Variants in BRSK1 observed in about 807,000 individuals in gnomAD.
BRSK1 encodes serine/threonine-protein kinase BRSK1.
In BRSK1, 17 loss-of-function variants were observed where a neutral mutation model predicts 86.2. The ratio of observed to expected loss-of-function variants is 0.20; its 90% CI spans 0.14 to 0.30. BRSK1 has a LOEUF of 0.30. BRSK1 is among the 10% of genes least tolerant of loss of function. The pLI is 1.00. For missense variants in BRSK1, 719 were observed against 1,071.9 expected (o/e 0.67, Z 4.60); for synonymous variants, 464 against 440.1 (o/e 1.05, Z -0.68).
chr19:55,299,813 G>A (rs759709932), intron 7 of BRSK1, among the ~76,000 whole-genome samples: 7 of 152,030 alleles, frequency 4.6e-5, no homozygotes, highest in Admixed American at 3.9e-4. Flanking sequence ...CCAGGCTTCC[G>A]CACCCTAAGA....
In BRSK1 at chr19:55,292,804, A is replaced by G. The variant is rs571362919; in HGVS notation, c.459-1213A>G. ...AGCCGTAATCGTGCCACTGCACTGCAGCCTGGTCGACAGAGTGAGACTCTG... is the reference window on the plus strand; with the variant it reads ...AGCCGTAATCGTGCCACTGCACTGCGGCCTGGTCGACAGAGTGAGACTCTG... On this transcript the variant is annotated intron_variant, in intron 4 of 18. Transcript: ENST00000309383. Among the ~76,000 whole-genome samples, 38 of 151,678 alleles carry G rather than the reference A, an allele frequency of 2.5e-4. 1 individual carries two copies. In the South Asian group the frequency reaches 7.7e-3, roughly 31 times the overall value.
At chr19:55,284,721 C>T in intron 1 of BRSK1, 143 bp downstream of exon 1, 1 of 670,870 alleles carries the variant, frequency 1.5e-6, no homozygotes. Context: ...GATTCAGACT[C>T]CTGGGTCCCT....
At chr19:55,285,330 G>C (rs994790256) in intron 1 of BRSK1, among the ~76,000 whole-genome samples, 1 of 152,076 alleles carries the variant, frequency 6.6e-6, no homozygotes, top group African/African-American at 2.4e-5. Flanking sequence ...GGAGTTTGGG[G>C]CCCCAGTGCT....
At position 55,284,069 on chromosome 19, in the gene BRSK1, G is replaced by A; in HGVS notation, c.-374G>A. Reference sequence around the variant, plus strand: ...GAGGCGGAGAGGAGGAGGAGGCGGAGGAGAGAGGGCGCGTGGGGGGGCGGG... The same window carrying A: ...GAGGCGGAGAGGAGGAGGAGGCGGAAGAGAGAGGGCGCGTGGGGGGGCGGG... On this transcript the variant is annotated 5_prime_UTR_variant, in exon 1 of 19. Transcript: ENST00000309383. 4.8e-6 allele frequency: 5 copies of A among 1,032,624 alleles called. No individual in the cohort carries two copies. Among genetic ancestry groups the A allele is most frequent in the Non-Finnish European group, 6.2e-6 (5 of 806,062 alleles). The allele number at this position is 1,032,624 out of a possible 1,614,324, so 64.0% of individuals were successfully genotyped here.
In BRSK1 at chr19:55,310,789, C is replaced by T. The variant is rs1029856837; in HGVS notation, c.2180-1122C>T. Among the ~76,000 whole-genome samples, 1 of 152,104 alleles carries T rather than the reference C, an allele frequency of 6.6e-6. No homozygotes were observed. The highest frequency in any genetic ancestry group is 2.4e-5 in the African/African-American group (1 of 41,398). ...GAAAGCAAATTAGGTCCACTGGACC[C>T]CGTTGCCGAGGAAAGCTGGCCTCAG... On this transcript the variant is annotated intron_variant, in intron 18 of 18. Coordinates refer to ENST00000309383, the MANE Select transcript of BRSK1 (RefSeq NM_032430.2). The surrounding 1 kb of genome is among the most constrained non-coding windows in gnomAD (Gnocchi z 5.0).
chr19:55,309,294 A>G (rs1600197509), intron 18 of BRSK1, among the ~76,000 whole-genome samples: 1 of 152,112 alleles, frequency 6.6e-6, no homozygotes, highest in East Asian at 1.9e-4. Context: ...AATGTGCAAG[A>G]TCTTGCTCTG....
At chr19:55,308,276 C>T (rs906146273) in intron 17 of BRSK1, among the ~76,000 whole-genome samples, 3 of 108,444 alleles carry the variant, frequency 2.8e-5, no homozygotes, top group African/African-American at 1.8e-4. Flanking sequence ...CTGCCCACAT[C>T]GGCATTCCAG....
In BRSK1 at chr19:55,287,400, G is replaced by T. The variant is rs2088335040; in HGVS notation, c.317+101G>T. On this transcript the variant is annotated intron_variant, in intron 3 of 18. Transcript: ENST00000309383. This position sits in a 1 kb window ranked among gnomAD's most constrained non-coding sequence, Gnocchi z 5.3. Reference sequence around the variant, plus strand: ...GGGCCTAGGGGGACCTGGGGGACCTGCAGCTCTCCAGGCTGGACCGCTGAA... The same window carrying T: ...GGGCCTAGGGGGACCTGGGGGACCTTCAGCTCTCCAGGCTGGACCGCTGAA... 3.5e-6 allele frequency: 4 copies of T among 1,127,546 alleles called. No individual in the cohort carries two copies. The highest frequency in any genetic ancestry group is 1.5e-5 in the African/African-American group (1 of 64,914). 69.8% of individuals were successfully genotyped at this position (1,127,546 alleles called of 1,614,324 possible).
chr19:55,303,772 G>C lies in BRSK1; in HGVS notation c.1232G>C (p.Gly411Ala). ...CTGAGCATCACCGATGCCGGGGGTG[G>C]TGGCTCCCCTGTACCCACCCGACGG... ...EVLSITDAGGGGSPVPTRRAL... is the reference protein window; with the variant it reads ...EVLSITDAGGAGSPVPTRRAL... The change falls in exon 12 of 19, where the codon GGT becomes GCT. Residue 411 changes from glycine (G) to alanine (A), a missense_variant. Coordinates refer to ENST00000309383, the MANE Select transcript of BRSK1 (RefSeq NM_032430.2). The surrounding 1 kb of genome is among the most constrained non-coding windows in gnomAD (Gnocchi z 5.1). 6.2e-7 allele frequency: 1 copy of C among 1,612,634 alleles called. No individual in the cohort carries two copies. Among genetic ancestry groups the C allele is most frequent in the South Asian group, 1.1e-5 (1 of 90,858 alleles).
intron 3 of BRSK1, among the ~76,000 whole-genome samples, chr19:55,288,587 G>C (rs1041791743): frequency 6.6e-6 from 1 of 151,448 alleles, no homozygotes; most frequent in African/African-American, 2.4e-5. Context: ...GGGTTTTTTT[G>C]TTGTTTTGTT....
At chr19:55,296,568 C>T (rs1376547959) in intron 7 of BRSK1, among the ~76,000 whole-genome samples, 1 of 151,974 alleles carries the variant, frequency 6.6e-6, no homozygotes, top group African/African-American at 2.4e-5. Flanking sequence ...CAGGCATTGC[C>T]GGGCGCGGTG....
Position 55,308,734 on chromosome 19 carries a change from TGGTGG to T in BRSK1, c.2179+9_2179+13del, listed in dbSNP as rs1420741457. 49 of 1,451,558 alleles carry T rather than the reference TGGTGG, an allele frequency of 3.4e-5. No homozygotes were observed. The highest frequency in any genetic ancestry group is 4.5e-5 in the Non-Finnish European group (49 of 1,087,190). 89.9% of individuals were successfully genotyped at this position (1,451,558 alleles called of 1,614,324 possible). A position where few individuals can be genotyped will look rare whatever the true frequency, so the allele number is the denominator to read the frequency against. On this transcript the variant is annotated splice_region_variant and intron_variant, in intron 18 of 18. Transcript: ENST00000309383. ...CTCCGTGCAGGCCCTGGCAGGTGGGTGGTGGGGCCGTGGGTGGTGGGGGGCGTGGG... is the reference window on the plus strand; with the variant it reads ...CTCCGTGCAGGCCCTGGCAGGTGGGTGGCCGTGGGTGGTGGGGGGCGTGGG...
In BRSK1 at chr19:55,294,745, A is replaced by G. The variant is rs992866588; in HGVS notation, c.678+348A>G. Among the ~76,000 whole-genome samples the G allele has an allele frequency of 6.6e-6, 1 of 151,602 alleles. No individual in the cohort carries two copies. The highest frequency in any genetic ancestry group is 2.4e-5 in the African/African-American group (1 of 41,202). On this transcript the variant is annotated intron_variant, in intron 7 of 18. Coordinates refer to ENST00000309383, the MANE Select transcript of BRSK1 (RefSeq NM_032430.2). This position sits in a 1 kb window ranked among gnomAD's most constrained non-coding sequence, Gnocchi z 4.9. The stretch of plus-strand genomic sequence containing the variant: ...TCCAACTCCTGACCTCAGGTGATCC[A>G]CCTGCCTCTGCCTCCCAAAGTGCTG...
chr19:55,287,264 C>G lies in BRSK1; in HGVS notation c.282C>G (p.Leu94=). 1 of 1,614,096 alleles carries G rather than the reference C, an allele frequency of 6.2e-7. No individual in the cohort carries two copies. Among genetic ancestry groups the G allele is most frequent in the Non-Finnish European group, 8.5e-7 (1 of 1,179,986 alleles). The part of the protein sequence containing the change: ...ILKLIEHPHV[L]KLHDVYENKK... ...AGCTCATCGAACACCCACATGTCCT[C>G]AAGCTCCACGACGTCTACGAGAACA... Residue 94 remains leucine (L), a synonymous_variant, in exon 3 of 19, where the codon CTC becomes CTG. Coordinates refer to ENST00000309383, the MANE Select transcript of BRSK1 (RefSeq NM_032430.2). The surrounding 1 kb of genome is among the most constrained non-coding windows in gnomAD (Gnocchi z 5.3).
intron 7 of BRSK1, among the ~76,000 whole-genome samples, chr19:55,298,898 C>T (rs2122965646): frequency 6.6e-6 from 1 of 152,316 alleles, no homozygotes; most frequent in Admixed American, 6.5e-5. Flanking sequence ...ACTTGTAGTG[C>T]TGCTGGCCAT....
chr19:55,294,047 T>C lies in BRSK1; in HGVS notation c.489T>C (p.Leu163=). 2 of 1,613,688 alleles carry C rather than the reference T, an allele frequency of 1.2e-6. No homozygotes were observed. Among genetic ancestry groups the C allele is most frequent in the Non-Finnish European group, 1.7e-6 (2 of 1,179,808 alleles). The part of the protein sequence containing the change: ...CHRDLKPENL[L]LDEKNNIRIA... ...GAGACCTAAAGCCCGAGAACCTGCT[T>C]TTGGATGAGAAAAACAACATCCGCA... Residue 163 remains leucine, a synonymous_variant, in exon 5 of 19, where the codon CTT becomes CTC. Coordinates refer to ENST00000309383, the MANE Select transcript of BRSK1 (RefSeq NM_032430.2). This position sits in a 1 kb window ranked among gnomAD's most constrained non-coding sequence, Gnocchi z 4.9.
chr19:55,287,128 G>GC lies in BRSK1; in HGVS notation c.231+28dup, dbSNP rs772696023. On this transcript the variant is annotated intron_variant, in intron 2 of 18. Coordinates refer to ENST00000309383, the MANE Select transcript of BRSK1 (RefSeq NM_032430.2). The surrounding 1 kb of genome is among the most constrained non-coding windows in gnomAD (Gnocchi z 5.3). ...TGTGTGCGCCTGCTGCAGTGTGCCT[G>GC]CGGGTGGGGGGGCCTCCGGGGCTGA... 12 of 1,613,402 alleles carry GC rather than the reference G, an allele frequency of 7.4e-6. No homozygotes were observed. Among genetic ancestry groups the GC allele is most frequent in the Admixed American group, 1.7e-5 (1 of 59,972 alleles).
Position 55,311,975 on chromosome 19 carries a change from C to T in BRSK1, c.2244C>T (p.Pro748=), listed in dbSNP as rs202034194. 9.4e-6 allele frequency: 15 copies of T among 1,591,642 alleles called. No homozygotes were observed. Among genetic ancestry groups the T allele is most frequent in the East Asian group, 9.1e-5 (4 of 43,964 alleles). The change falls in exon 19 of 19, where the codon CCC becomes CCT. Residue 748 remains proline (P), a synonymous_variant. Coordinates refer to ENST00000309383, the MANE Select transcript of BRSK1 (RefSeq NM_032430.2). ...GAPPRSLQPP[P]GRPDPELSSS... Reference sequence around the variant, plus strand: ...CACCCCGAAGCCTGCAGCCCCCACCCGGCCGCCCAGACCCAGAGCTGAGCA... The same window carrying T: ...CACCCCGAAGCCTGCAGCCCCCACCTGGCCGCCCAGACCCAGAGCTGAGCA...
chr19:55,294,281 G>C lies in BRSK1; in HGVS notation c.609+34G>C. 6.2e-7 allele frequency: 1 copy of C among 1,614,162 alleles called. No individual in the cohort carries two copies. The highest frequency in any genetic ancestry group is 8.5e-7 in the Non-Finnish European group (1 of 1,180,028). ...GGGGCGGATAGAGGGGAGAGGGGTG[G>C]AGGCAGCAGTGAGGAGCGATGAAGT... On this transcript the variant is annotated intron_variant, in intron 6 of 18. Transcript: ENST00000309383. This position sits in a 1 kb window ranked among gnomAD's most constrained non-coding sequence, Gnocchi z 4.9.
Sources: gnomAD v4.1 joint callset for allele counts (sites outside exome capture counted in the v4.1 genomes callset) on GRCh38, gnomAD v4.1.1 for gene constraint, Gnocchi (gnomAD v3.1) non-coding constraint, MANE v1.5 for transcripts, NCBI Gene and HGNC (gene_info 2026-07-23, HGNC 2026-07-21) for gene names.